SUMF1: variants seen among roughly 807,000 people sequenced by gnomAD.
The protein encoded by SUMF1 is sulfatase modifying factor 1.
A neutral mutation model predicts 47.6 loss-of-function variants in SUMF1; 48 were observed. The observed-to-expected ratio is 1.01, with a 90% CI of 0.80 to 1.28. The LOEUF (loss-of-function observed/expected upper bound fraction) is 1.28, where lower values mean the gene tolerates loss of function less well. Ranked by LOEUF, SUMF1 falls within the 50% of genes most tolerant of loss-of-function variation. SUMF1 has a pLI of 0.00. For synonymous variants in SUMF1, 230 were observed against 192.1 expected, an observed-to-expected ratio of 1.20 and a Z score of -1.63; for missense variants, 571 against 485.4, an observed-to-expected ratio of 1.18 and a Z score of -1.66.
chr3:4,279,835 A>C (rs1697491840), intron 8 of SUMF1, among the ~76,000 whole-genome samples: 1 of 152,152 alleles, frequency 6.6e-6, no homozygotes, highest in South Asian at 2.1e-4. Context: ...AGGATGCATA[A>C]AAATTAGTGT....
intron 8 of SUMF1, among the ~76,000 whole-genome samples, chr3:4,171,801 A>G (rs1694838572): frequency 6.6e-6 from 1 of 152,192 alleles, no homozygotes; most frequent in Non-Finnish European, 1.5e-5. Flanking sequence ...AGAGGTAAGA[A>G]AAAGCACAAG....
chr3:4,145,766 T>C (rs769374706), intron 8 of SUMF1, among the ~76,000 whole-genome samples: 18 of 152,166 alleles, frequency 1.2e-4, no homozygotes, highest in Non-Finnish European at 1.5e-5. Context: ...TTGTTTTGTA[T>C]TCAAGACAGT....
chr3:4,251,577 T>C (rs1696802561), intron 8 of SUMF1, among the ~76,000 whole-genome samples: 1 of 152,206 alleles, frequency 6.6e-6, no homozygotes, highest in South Asian at 2.1e-4. Context: ...GTGGCAAGCT[T>C]CATTGTTGTC....
chr3:4,300,651 G>C (rs1697944294), intron 8 of SUMF1, among the ~76,000 whole-genome samples: 1 of 152,096 alleles, frequency 6.6e-6, no homozygotes, highest in Non-Finnish European at 1.5e-5. Flanking sequence ...TAACTAAGTA[G>C]AACATTCTGT....
At chr3:4,184,311 C>G (rs377079751) in intron 8 of SUMF1, among the ~76,000 whole-genome samples, 1 of 151,674 alleles carries the variant, frequency 6.6e-6, no homozygotes, top group African/African-American at 2.4e-5. Context: ...CAAAAATTAG[C>G]CGGGCATGGT....
chr3:4,408,178 A>G (rs1701432442), intron 7 of SUMF1, among the ~76,000 whole-genome samples: 1 of 152,238 alleles, frequency 6.6e-6, no homozygotes, highest in Non-Finnish European at 1.5e-5. Flanking sequence ...AAACAGATCA[A>G]CATGGTGGCC....
intron 8 of SUMF1, among the ~76,000 whole-genome samples, chr3:4,120,434 A>G (rs1693512569): frequency 6.6e-6 from 1 of 152,162 alleles, no homozygotes; most frequent in Admixed American, 6.5e-5. Context: ...AGATATTTCA[A>G]AGAAGTAATC....
At chr3:4,268,165 T>A (rs1697234338) in intron 8 of SUMF1, among the ~76,000 whole-genome samples, 1 of 151,740 alleles carries the variant, frequency 6.6e-6, no homozygotes, top group South Asian at 2.1e-4. Flanking sequence ...ATATTCTCAC[T>A]CACAGGTGGG....
intron 3 of SUMF1, 71 bp from the exon 4 acceptor site, chr3:4,420,217 T>C (rs1701847138): frequency 8.2e-7 from 1 of 1,215,402 alleles, no homozygotes; most frequent in African/African-American, 1.6e-5. Flanking sequence ...ACTCAGTACA[T>C]GCAGCAAAAA....
At chr3:4,419,130 G>A (rs938839283) in intron 4 of SUMF1, among the ~76,000 whole-genome samples, 1 of 152,100 alleles carries the variant, frequency 6.6e-6, no homozygotes, top group Non-Finnish European at 1.5e-5. Context: ...TTCCCCTTTT[G>A]GGTTTTCCTT....
intron 7 of SUMF1, among the ~76,000 whole-genome samples, chr3:4,403,962 G>A (rs1701295310): frequency 6.6e-6 from 1 of 152,182 alleles, no homozygotes; most frequent in Admixed American, 6.5e-5. Flanking sequence ...ATGAGGCTCT[G>A]AGGGTCATTT....
chr3:4,108,123 G>A (rs1310502851), intron 8 of SUMF1, among the ~76,000 whole-genome samples: 1 of 152,102 alleles, frequency 6.6e-6, no homozygotes, highest in Non-Finnish European at 1.5e-5. Context: ...CTGGTATGTT[G>A]TGTTTTTGTT....
At position 4,425,486 on chromosome 3, in the gene SUMF1, T is replaced by C. The variant is rs150891001; in HGVS notation, c.520-5340A>G. Among the ~76,000 whole-genome samples, 1,318 of 152,264 alleles carry C rather than the reference T, an allele frequency of 8.7e-3. 23 individuals are homozygous for C. Among genetic ancestry groups the C allele is most frequent in the African/African-American group, 0.03 (1,246 of 41,532 alleles). On this transcript the variant is annotated intron_variant, in intron 3 of 8. Transcript: ENST00000272902. Reference sequence around the variant, plus strand: ...TCTAATTAGTGAAAATCTACCCCCATATCTGTTCAGCTTGAGCCCCCTCCA... The same window carrying C: ...TCTAATTAGTGAAAATCTACCCCCACATCTGTTCAGCTTGAGCCCCCTCCA...
chr3:4,255,506 A>G (rs1197396860), intron 8 of SUMF1, among the ~76,000 whole-genome samples: 4 of 85,844 alleles, frequency 4.7e-5, no homozygotes, highest in Admixed American at 1.1e-4. Flanking sequence ...CAAAGATCAA[A>G]AGAGACAAAG....
intron 9 of SUMF1, among the ~76,000 whole-genome samples, chr3:4,039,209 ATTTTTTTTT>A (rs775459424): frequency 1.0e-4 from 4 of 39,472 alleles, no homozygotes; most frequent in Admixed American, 4.6e-4. Context: ...ATCTATGCAA[ATTTTTTTTT>A]TTTTTTTTTT....
chr3:4,326,786 G>C (rs1172661087), intron 8 of SUMF1, among the ~76,000 whole-genome samples: 1 of 152,028 alleles, frequency 6.6e-6, no homozygotes, highest in Non-Finnish European at 1.5e-5. Flanking sequence ...CTCCCAAACT[G>C]CTGGGATTAC....
At chr3:4,068,048 C>T (rs189502869) in intron 9 of SUMF1, among the ~76,000 whole-genome samples, 1 of 152,272 alleles carries the variant, frequency 6.6e-6, no homozygotes, top group Admixed American at 6.5e-5. Flanking sequence ...GTGTTCTTCC[C>T]TAGGCCATTA....
At chr3:4,250,486 G>A (rs951626793) in intron 8 of SUMF1, among the ~76,000 whole-genome samples, 2 of 152,154 alleles carry the variant, frequency 1.3e-5, no homozygotes, top group African/African-American at 2.4e-5. Context: ...ATATAGCCAA[G>A]ATAATTCATA....
At chr3:4,381,048 A>C (rs953909695) in intron 7 of SUMF1, among the ~76,000 whole-genome samples, 2 of 152,174 alleles carry the variant, frequency 1.3e-5, no homozygotes, top group South Asian at 2.1e-4. Context: ...TTTTCACAGC[A>C]CAACGACTGC....
Sources: gnomAD v4.1 joint callset for allele counts (sites outside exome capture counted in the v4.1 genomes callset) on GRCh38, gnomAD v4.1.1 for gene constraint, MANE v1.5 for transcripts, NCBI Gene and HGNC (gene_info 2026-07-23, HGNC 2026-07-21) for gene names.